CHCHD3: variants seen among roughly 807,000 people sequenced by gnomAD.
CHCHD3 encodes the protein coiled-coil-helix-coiled-coil-helix domain containing 3.
In CHCHD3, 20 loss-of-function variants were observed where a neutral mutation model predicts 38.2. That is an observed-to-expected ratio of 0.52 (90% CI 0.37 to 0.76). CHCHD3 has a LOEUF of 0.76. Among genes scored for constraint, CHCHD3 ranks in the 30% least tolerant of loss-of-function variants. CHCHD3 has a pLI of 0.00. For missense variants in CHCHD3, 245 were observed against 279.2 expected, an observed-to-expected ratio of 0.88 and a Z score of 0.87; for synonymous variants, 82 against 100.0, an observed-to-expected ratio of 0.82 and a Z score of 1.07.
At chr7:132,926,177 G>C (rs540714295) in intron 4 of CHCHD3, among the ~76,000 whole-genome samples, 7 of 152,310 alleles carry the variant, frequency 4.6e-5, no homozygotes, top group African/African-American at 7.2e-5. Flanking sequence ...TATGCTTGAA[G>C]CAGTACAGGC....
chr7:133,019,351 T>C (rs1468625231), intron 3 of CHCHD3, among the ~76,000 whole-genome samples: 1 of 152,184 alleles, frequency 6.6e-6, no homozygotes, highest in East Asian at 1.9e-4. Context: ...AATTATCATA[T>C]ATAATGAACT....
Position 133,035,748 on chromosome 7 carries a change from A to G in CHCHD3, c.170-11121T>C, listed in dbSNP as rs1253973622. ...TCCATCATCACCCTCAAATGCTGGGACCTTGCCGGCAGGAAATTTGCGAAG... is the reference window on the plus strand; with the variant it reads ...TCCATCATCACCCTCAAATGCTGGGGCCTTGCCGGCAGGAAATTTGCGAAG... On this transcript the variant is annotated intron_variant, in intron 2 of 7. Transcript: ENST00000262570. This position sits in a 1 kb window ranked among gnomAD's most constrained non-coding sequence, Gnocchi z 4.7. 2.6e-5 allele frequency: 42 copies of G among 1,613,174 alleles called. No individual in the cohort carries two copies. The highest frequency in any genetic ancestry group is 3.3e-5 in the Non-Finnish European group (39 of 1,179,382).
intron 4 of CHCHD3, among the ~76,000 whole-genome samples, chr7:132,936,924 G>C (rs1182791255): frequency 6.6e-6 from 1 of 152,188 alleles, no homozygotes; most frequent in African/African-American, 2.4e-5. Flanking sequence ...GAAAATTGGA[G>C]TTGCTCAGGC....
intron 3 of CHCHD3, among the ~76,000 whole-genome samples, chr7:133,011,435 C>T (rs926612006): frequency 6.6e-6 from 1 of 152,310 alleles, no homozygotes; most frequent in African/African-American, 2.4e-5. Context: ...CAGGGTTTCT[C>T]GGCCTCGGAG....
intron 2 of CHCHD3, among the ~76,000 whole-genome samples, chr7:133,067,262 C>T (rs1180666170): frequency 1.3e-5 from 2 of 150,182 alleles, no homozygotes; most frequent in Non-Finnish European, 2.9e-5. Flanking sequence ...CTCCGTAACA[C>T]AGGAGGTAGG....
intron 2 of CHCHD3, among the ~76,000 whole-genome samples, chr7:133,063,504 A>ACTTT (rs980916516): frequency 1.3e-5 from 2 of 152,114 alleles, no homozygotes; most frequent in Non-Finnish European, 2.9e-5. Flanking sequence ...TTTGAGGGCA[A>ACTTT]CTTTCTTTCT....
intron 7 of CHCHD3, among the ~76,000 whole-genome samples, chr7:132,792,605 A>G (rs1449113839): frequency 6.6e-6 from 1 of 152,164 alleles, no homozygotes; most frequent in African/African-American, 2.4e-5. Flanking sequence ...CAAATAGGCC[A>G]TGTCTCTTCA....
rs1563250608 is a variant in CHCHD3 at position 132,838,394 on chromosome 7, C to G, written c.524+5G>C. 6.3e-7 allele frequency: 1 copy of G among 1,594,146 alleles called. No individual in the cohort carries two copies. The highest frequency in any genetic ancestry group is 8.6e-7 in the Non-Finnish European group (1 of 1,163,292). ...TAAATAATTATAATACTATTAAAAACTTACTTGAACTTTGCTTCCACCTCT... is the reference window on the plus strand; with the variant it reads ...TAAATAATTATAATACTATTAAAAAGTTACTTGAACTTTGCTTCCACCTCT... On this transcript the variant is annotated splice_donor_5th_base_variant and intron_variant, in intron 6 of 7. Coordinates refer to ENST00000262570, the MANE Select transcript of CHCHD3 (RefSeq NM_017812.4).
intron 5 of CHCHD3, among the ~76,000 whole-genome samples, chr7:132,865,511 A>G (rs913572960): frequency 3.3e-5 from 5 of 152,056 alleles, no homozygotes; most frequent in Admixed American, 3.3e-4. Context: ...CAGGAAAGGG[A>G]CCATGGAGGT....
chr7:132,919,687 G>A (rs868676978), intron 4 of CHCHD3, among the ~76,000 whole-genome samples: 2 of 152,138 alleles, frequency 1.3e-5, no homozygotes, highest in East Asian at 1.9e-4. Context: ...AGAGTCTTTC[G>A]TGCACACTAA....
chr7:133,033,496 T>C (rs1208371650), intron 2 of CHCHD3, among the ~76,000 whole-genome samples: 1 of 152,138 alleles, frequency 6.6e-6, no homozygotes, highest in East Asian at 1.9e-4. Flanking sequence ...TCTAAAGTGG[T>C]ACAGTATTGC....
At chr7:132,989,481 T>C (rs987467672) in intron 3 of CHCHD3, among the ~76,000 whole-genome samples, 1 of 152,172 alleles carries the variant, frequency 6.6e-6, no homozygotes, top group Non-Finnish European at 1.5e-5. Flanking sequence ...TAACTAGCTT[T>C]CATCTCCCCC....
intron 2 of CHCHD3, among the ~76,000 whole-genome samples, chr7:133,062,771 G>T (rs1814553306): frequency 6.6e-6 from 1 of 152,040 alleles, no homozygotes; most frequent in South Asian, 2.1e-4. Flanking sequence ...GAAAACAGTT[G>T]CTTCTTTCTA....
chr7:132,890,979 TA>T (rs1809345916), intron 4 of CHCHD3, among the ~76,000 whole-genome samples: 1 of 152,142 alleles, frequency 6.6e-6, no homozygotes, highest in African/African-American at 2.4e-5. Context: ...GTGCAATATA[TA>T]CGAACCTAAG....
intron 1 of CHCHD3, among the ~76,000 whole-genome samples, chr7:133,080,558 G>A (rs1815143879): frequency 6.6e-6 from 1 of 152,152 alleles, no homozygotes; most frequent in South Asian, 2.1e-4. Flanking sequence ...AATGGCAAGA[G>A]TCTTAAAATC....
At chr7:132,927,801 C>G (rs1452477190) in intron 4 of CHCHD3, among the ~76,000 whole-genome samples, 2 of 152,132 alleles carry the variant, frequency 1.3e-5, no homozygotes, top group Non-Finnish European at 2.9e-5. Context: ...ACTAACCTTA[C>G]AGAAAACAAA....
intron 5 of CHCHD3, among the ~76,000 whole-genome samples, chr7:132,881,591 A>T (rs952194100): frequency 6.6e-6 from 1 of 152,176 alleles, no homozygotes. Flanking sequence ...ACCATCTGGT[A>T]TCTACTTTAT....
chr7:133,081,145 A>C (rs1815159677), intron 1 of CHCHD3, among the ~76,000 whole-genome samples: 2 of 152,208 alleles, frequency 1.3e-5, no homozygotes, highest in Non-Finnish European at 2.9e-5. Context: ...TGACTACATT[A>C]CTTCTACTGG....
At chr7:132,834,989 G>T (rs1450828654) in intron 6 of CHCHD3, among the ~76,000 whole-genome samples, 2 of 139,090 alleles carry the variant, frequency 1.4e-5, no homozygotes, top group Admixed American at 7.2e-5. Flanking sequence ...TATTTATTTA[G>T]AGACAGGGTC....
Sources: gnomAD v4.1 joint callset for allele counts (sites outside exome capture counted in the v4.1 genomes callset) on GRCh38, gnomAD v4.1.1 for gene constraint, Gnocchi (gnomAD v3.1) non-coding constraint, MANE v1.5 for transcripts, NCBI Gene and HGNC (gene_info 2026-07-23, HGNC 2026-07-21) for gene names.